TTN: variants seen among roughly 807,000 people sequenced by gnomAD.
TTN encodes titin.
In TTN, 1,525 loss-of-function variants were observed where a neutral mutation model predicts 3,223.0. That is an observed-to-expected ratio of 0.47 (90% CI 0.45 to 0.49). The LOEUF (loss-of-function observed/expected upper bound fraction) is 0.49. TTN is among the 20% of genes least tolerant of loss of function. The probability of loss-of-function intolerance (pLI) is 0.00; values close to 1 mark genes in which losing one functional copy is unlikely to be tolerated. For missense variants in TTN, 40,786 were observed against 43,424.0 expected, an observed-to-expected ratio of 0.94 and a Z score of 5.40; for synonymous variants, 14,094 against 15,161.0, an observed-to-expected ratio of 0.93 and a Z score of 5.17.
chr2:178,589,836 G>A lies in TTN; in HGVS notation c.61889C>T (p.Ala20630Val), dbSNP rs2154184048. 1 of 1,613,472 alleles carries A rather than the reference G, an allele frequency of 6.2e-7. No homozygotes were observed. Among genetic ancestry groups the A allele is most frequent in the Non-Finnish European group, 8.5e-7 (1 of 1,179,590 alleles). ...ASDVTKRLIK[A>V]NLLANNEYYF... ...GTATTCATTGTTGGCTAAAAGGTTGGCCTTGATTAATCGTTTAGTGACATC... is the reference window on the plus strand; with the variant it reads ...GTATTCATTGTTGGCTAAAAGGTTGACCTTGATTAATCGTTTAGTGACATC... The change falls in exon 304 of 363, where the codon GCC (alanine) becomes GTC (valine). Residue 20630 changes from alanine (A) to valine (V), a missense_variant. Ala to Val is a moderately conservative substitution (Grantham distance 64). Transcript: ENST00000589042.
At position 178,767,745 on chromosome 2, in the gene TTN, T is replaced by G; in HGVS notation, c.9471+14A>C. Reference sequence around the variant, plus strand: ...ACTGATGATTTTTCAAAACATTTAGTATGTAGACAATACCTGAACCTCCTT... The same window carrying G: ...ACTGATGATTTTTCAAAACATTTAGGATGTAGACAATACCTGAACCTCCTT... On this transcript the variant is annotated intron_variant, in intron 40 of 362. Transcript: ENST00000589042. 6.2e-7 allele frequency: 1 copy of G among 1,613,508 alleles called. No individual in the cohort carries two copies. Among genetic ancestry groups the G allele is most frequent in the African/African-American group, 1.3e-5 (1 of 75,050 alleles).
intron 47 of TTN, chr2:178,751,164 C>T: frequency 6.2e-7 from 1 of 1,611,820 alleles, no homozygotes; most frequent in Non-Finnish European, 8.5e-7. Flanking sequence ...TTCATGTCCT[C>T]TCTAGAGAAC....
chr2:178,788,826 C>T (rs1378573207), intron 13 of TTN, among the ~76,000 whole-genome samples: 1 of 152,002 alleles, frequency 6.6e-6, no homozygotes, highest in Non-Finnish European at 1.5e-5. Context: ...GTGGGAGCTG[C>T]TACAGCATGC....
chr2:178,777,261 T>C lies in TTN; in HGVS notation c.4702A>G (p.Lys1568Glu). Residue 1568 changes from lysine (K) to glutamate (E), a missense_variant, in exon 27 of 363, where the codon AAG becomes GAG. Lys to Glu is a moderately conservative substitution (Grantham distance 56). Coordinates refer to ENST00000589042, the MANE Select transcript of TTN (RefSeq NM_001267550.2). ...FVEKLKNVNIKEGSRLEMKVR... is the reference protein window; with the variant it reads ...FVEKLKNVNIEEGSRLEMKVR... ...TTCATTTCAAGTCGGGAACCTTCCT[T>C]TATATTGACATTTTTCAGTTTTTCT... 1 of 1,614,096 alleles carries C rather than the reference T, an allele frequency of 6.2e-7. No homozygotes were observed. Among genetic ancestry groups the C allele is most frequent in the Non-Finnish European group, 8.5e-7 (1 of 1,179,980 alleles).
rs1466809738 is a variant in TTN, at chr2:178,549,107, A to G, written c.92519T>C (p.Leu30840Ser). ...ATCAAACACTGGTTTGGACCATTCT[A>G]AGCTCACAGTTGTCTTTGATGTGTC... ...VTDTSKTTVS[L>S]EWSKPVFDGG... The change falls in exon 339 of 363, where the codon TTA becomes TCA. Residue 30840 changes from leucine (L) to serine (S), a missense_variant. Physicochemically the swap from Leu to Ser is moderately radical, Grantham distance 145. Transcript: ENST00000589042. 7 of 1,613,874 alleles carry G rather than the reference A, an allele frequency of 4.3e-6. No individual in the cohort carries two copies. Among genetic ancestry groups the G allele is most frequent in the South Asian group, 2.2e-5 (2 of 91,084 alleles).
At position 178,729,797 on chromosome 2, in the gene TTN, A is replaced by G. The variant is rs756540833; in HGVS notation, c.18456T>C (p.His6152=). Residue 6152 remains histidine (H), a synonymous_variant, in exon 63 of 363, where the codon CAT becomes CAC. Transcript: ENST00000589042. ...CTAAACCATCAATGAAGGAAATGCC[A>G]TGTTTCTGAATGGCTGTTATTTCAT... ...DGNEITAIQK[H]GISFIDGLAT... 75 of 1,613,602 alleles carry G rather than the reference A, an allele frequency of 4.6e-5. No homozygotes were observed. The South Asian group carries it at 7.6e-4, about 16-fold the overall frequency.
Position 178,570,757 on chromosome 2 carries a change from A to C in TTN, c.75375T>G (p.Ala25125=). 6.2e-7 allele frequency: 1 copy of C among 1,613,530 alleles called. No individual in the cohort carries two copies. The highest frequency in any genetic ancestry group is 1.3e-5 in the African/African-American group (1 of 74,982). ...PKYKDTIVVH[A]GESFKVDADI... ...CTGCATCAACCTTGAATGATTCACC[A>C]GCATGAACCACGATTGTGTCTTTGT... Residue 25125 remains alanine, a synonymous_variant, in exon 326 of 363, where the codon GCT becomes GCG. Transcript: ENST00000589042.
At chr2:178,754,136 A>T (rs2086318432) in intron 46 of TTN, 1 of 152,104 alleles carries the variant, frequency 6.6e-6, no homozygotes, top group Admixed American at 6.6e-5. Context: ...TAGTCATGAA[A>T]CTTATATATG....
chr2:178,772,925 G>T, intron 33 of TTN, 184 bp downstream of exon 33: 1 of 694,866 alleles, frequency 1.4e-6, no homozygotes, highest in Non-Finnish European at 2.4e-6. Context: ...GTTTGAGGTA[G>T]GCCTAGAAGA....
chr2:178,606,930 C>A, intron 278 of TTN, 91 bp downstream of exon 278: 1 of 1,414,058 alleles, frequency 7.1e-7, no homozygotes, highest in Non-Finnish European at 9.6e-7. Flanking sequence ...GATTTTGAGA[C>A]TGTTGGGAGT....
chr2:178,724,261 T>G lies in TTN; in HGVS notation c.21114A>C (p.Ser7038=), dbSNP rs879237670. Residue 7038 remains serine, a splice_region_variant and synonymous_variant, in exon 72 of 363, where the codon TCA becomes TCC. Transcript: ENST00000589042. ...KSSCTAVVDV[S]DRAVPPSFTR... ...CCAGAAGAAAACAGCAGAACTAACC[T>G]GAAACATCAACCACAGCTGTGCAGC... 6.2e-7 allele frequency: 1 copy of G among 1,611,434 alleles called. No homozygotes were observed. Among genetic ancestry groups the G allele is most frequent in the Non-Finnish European group, 8.5e-7 (1 of 1,178,330 alleles).
rs769020530 is a variant in TTN, at chr2:178,553,916, A to T, written c.89195T>A (p.Ile29732Asn). ...PSEFYKAADP[I>N]DPPGPPAKIR... ...ATGCTGCAGGTATGAGCACTTACCAATAGGATCAGCAGCTTTGTAGAATTC... is the reference window on the plus strand; with the variant it reads ...ATGCTGCAGGTATGAGCACTTACCATTAGGATCAGCAGCTTTGTAGAATTC... The change falls in exon 333 of 363, where the codon ATT (isoleucine) becomes AAT (asparagine). Residue 29732 changes from isoleucine to asparagine, a missense_variant and splice_region_variant. Ile to Asn is a moderately radical substitution (Grantham distance 149). Coordinates refer to ENST00000589042, the MANE Select transcript of TTN (RefSeq NM_001267550.2). 6 of 1,591,504 alleles carry T rather than the reference A, an allele frequency of 3.8e-6. No individual in the cohort carries two copies. In the Admixed American group the frequency reaches 1.0e-4, roughly 27 times the overall value.
rs768823809 is a variant in TTN, at chr2:178,664,002, C to T, written c.36364+13G>A. On this transcript the variant is annotated intron_variant, in intron 169 of 362. Coordinates refer to ENST00000589042, the MANE Select transcript of TTN (RefSeq NM_001267550.2). ...AATTAGGTCTTCTGAAGCCTAAAGT[C>T]AGTGACAAATACCTTTAACAGGTGG... 14 of 1,612,986 alleles carry T rather than the reference C, an allele frequency of 8.7e-6. No homozygotes were observed. Among genetic ancestry groups the T allele is most frequent in the Middle Eastern group, 1.6e-4 (1 of 6,082 alleles).
rs1488563673 is a variant in TTN at position 178,569,841 on chromosome 2, A to T, written c.76291T>A (p.Tyr25431Asn). Residue 25431 changes from tyrosine to asparagine, a missense_variant, in exon 326 of 363, where the codon TAT (tyrosine) becomes AAT (asparagine). Physicochemically the swap from Tyr to Asn is moderately radical, Grantham distance 143. Transcript: ENST00000589042. Reference protein sequence around the residue: ...SVFLSWSKPIYDGGCEIQGYI... With the variant: ...SVFLSWSKPINDGGCEIQGYI... ...CCTTGAATTTCACAGCCACCATCAT[A>T]TATTGGTTTGCTCCAAGAAAGGAAT... 1 of 1,613,478 alleles carries T rather than the reference A, an allele frequency of 6.2e-7. No homozygotes were observed. The highest frequency in any genetic ancestry group is 1.3e-5 in the African/African-American group (1 of 74,992).
chr2:178,782,626 A>C (rs2092880121), intron 18 of TTN, 24 bp from the exon 19 acceptor site: 4 of 1,612,992 alleles, frequency 2.5e-6, no homozygotes, highest in Non-Finnish European at 3.4e-6. Flanking sequence ...AAAGTTTCTC[A>C]TTGAGATGAG....
In TTN at chr2:178,573,180, A is replaced by G. The variant is rs1443412363; in HGVS notation, c.72952T>C (p.Cys24318Arg). The G allele has an allele frequency of 2.5e-6, 4 of 1,611,300 alleles. No individual in the cohort carries two copies. The highest frequency in any genetic ancestry group is 3.4e-6 in the Non-Finnish European group (4 of 1,178,406). Reference sequence around the variant, plus strand: ...GGTCCAGGTTTAAACACAGTGTCACAAGCCTTGTAAAATGGACTGGTAGGA... The same window carrying G: ...GGTCCAGGTTTAAACACAGTGTCACGAGCCTTGTAAAATGGACTGGTAGGA... The part of the protein sequence containing the change: ...PSPTSPFYKA[C>R]DTVFKPGPPG... The change falls in exon 326 of 363, where the codon TGT becomes CGT. Residue 24318 changes from cysteine to arginine, a missense_variant. Transcript: ENST00000589042.
At chr2:178,803,639 C>A (rs2094173276) in intron 2 of TTN, among the ~76,000 whole-genome samples, 1 of 150,662 alleles carries the variant, frequency 6.6e-6, no homozygotes, top group African/African-American at 2.4e-5. Context: ...TTATTATAAG[C>A]CATAAAATTT....
chr2:178,728,643 C>A lies in TTN; in HGVS notation c.19283G>T (p.Ser6428Ile), dbSNP rs748391553. 1 of 1,613,318 alleles carries A rather than the reference C, an allele frequency of 6.2e-7. No homozygotes were observed. The highest frequency in any genetic ancestry group is 8.5e-7 in the Non-Finnish European group (1 of 1,179,582). ...TTCAAAACTCATTGAAAAGTATCTACTGGGAACTATTTGTTTCCCGTCTTT... is the reference window on the plus strand; with the variant it reads ...TTCAAAACTCATTGAAAAGTATCTAATGGGAACTATTTGTTTCCCGTCTTT... ...WLKDGKQIVP[S>I]RYFSMSFENN... Residue 6428 changes from serine (S) to isoleucine (I), a missense_variant, in exon 66 of 363, where the codon AGT becomes ATT. Ser to Ile is a moderately radical substitution (Grantham distance 142, BLOSUM62 -2). Coordinates refer to ENST00000589042, the MANE Select transcript of TTN (RefSeq NM_001267550.2).
chr2:178,562,268 A>T lies in TTN; in HGVS notation c.83864T>A (p.Ile27955Asn). 6.2e-7 allele frequency: 1 copy of T among 1,613,416 alleles called. No individual in the cohort carries two copies. The highest frequency in any genetic ancestry group is 1.1e-5 in the South Asian group (1 of 91,014). ...SDPRQLGVPVIARDIEIKPSV... is the reference protein window; with the variant it reads ...SDPRQLGVPVNARDIEIKPSV... Reference sequence around the variant, plus strand: ...AGGCTTTATTTCAATATCCCTTGCAATTACTGGCACTCCAAGTTGTCTTGG... The same window carrying T: ...AGGCTTTATTTCAATATCCCTTGCATTTACTGGCACTCCAAGTTGTCTTGG... The change falls in exon 326 of 363, where the codon ATT (isoleucine) becomes AAT (asparagine). Residue 27955 changes from isoleucine to asparagine, a missense_variant. Physicochemically the swap from Ile to Asn is moderately radical, Grantham distance 149. Coordinates refer to ENST00000589042, the MANE Select transcript of TTN (RefSeq NM_001267550.2).
Sources: gnomAD v4.1 joint callset for allele counts (sites outside exome capture counted in the v4.1 genomes callset) on GRCh38, gnomAD v4.1.1 for gene constraint, MANE v1.5 for transcripts, NCBI Gene and HGNC (gene_info 2026-07-23, HGNC 2026-07-21) for gene names.